The following FAM120A variants were observed in gnomAD, a reference collection of about 807,000 sequenced individuals.
The protein encoded by FAM120A is constitutive coactivator of PPAR-gamma-like protein 1.
Under a neutral mutation model 109.7 loss-of-function variants are expected in FAM120A, and 15 were observed. The ratio of observed to expected loss-of-function variants is 0.14; its 90% CI spans 0.09 to 0.21. The LOEUF (loss-of-function observed/expected upper bound fraction) is 0.21. Ranked by LOEUF, FAM120A falls within the 10% of genes least tolerant of loss-of-function variation. The probability of loss-of-function intolerance (pLI) is 1.00; values close to 1 mark genes in which losing one functional copy is unlikely to be tolerated. For synonymous variants in FAM120A, 493 were observed against 572.8 expected, an observed-to-expected ratio of 0.86 and a Z score of 1.99; for missense variants, 899 against 1,439.3, an observed-to-expected ratio of 0.62 and a Z score of 6.07.
chr9:93,528,811 TTTTG>T (rs2131464356), intron 8 of FAM120A, among the ~76,000 whole-genome samples: 1 of 150,758 alleles, frequency 6.6e-6, no homozygotes, highest in East Asian at 2.0e-4. Flanking sequence ...GAGTTTGGGT[TTTTG>T]TTTGTTCTTT....
At chr9:93,480,243 A>C (rs899046957) in intron 3 of FAM120A, among the ~76,000 whole-genome samples, 1 of 152,230 alleles carries the variant, frequency 6.6e-6, no homozygotes, top group African/African-American at 2.4e-5. Context: ...TTCATGTAAC[A>C]TGTAAAATTG....
At position 93,550,662 on chromosome 9, in the gene FAM120A, T is replaced by A. The variant is rs747504770; in HGVS notation, c.2245T>A (p.Tyr749Asn). 6.2e-7 allele frequency: 1 copy of A among 1,613,920 alleles called. No homozygotes were observed. The highest frequency in any genetic ancestry group is 8.5e-7 in the Non-Finnish European group (1 of 1,179,992). Reference protein sequence around the residue: ...FLAQALSPKLYEPDQLQELKI... With the variant: ...FLAQALSPKLNEPDQLQELKI... Reference sequence around the variant, plus strand: ...GGCTCAGGCGCTGTCCCCCAAACTCTACGAGCCTGATCAGCTCCAGGAGCT... The same window carrying A: ...GGCTCAGGCGCTGTCCCCCAAACTCAACGAGCCTGATCAGCTCCAGGAGCT... Residue 749 changes from tyrosine to asparagine, a missense_variant, in exon 12 of 18, where the codon TAC becomes AAC. Coordinates refer to ENST00000277165, the MANE Select transcript of FAM120A (RefSeq NM_014612.5).
At chr9:93,510,622 TTTTG>T (rs765797140) in intron 5 of FAM120A, among the ~76,000 whole-genome samples, 10 of 152,272 alleles carry the variant, frequency 6.6e-5, no homozygotes, top group Admixed American at 2.6e-4. Context: ...GATTTGGGAT[TTTTG>T]TTTGTTTGTT....
chr9:93,543,299 G>A lies in FAM120A; in HGVS notation c.1987G>A (p.Ala663Thr), dbSNP rs1488885081. 6.2e-7 allele frequency: 1 copy of A among 1,614,214 alleles called. No individual in the cohort carries two copies. The highest frequency in any genetic ancestry group is 8.5e-7 in the Non-Finnish European group (1 of 1,180,046). ...AACCCCGGAACTGGTTGAAGCTCTT[G>A]CCTTCAGGGAGTGGACCTGCCCCAA... ...PQTPELVEALAFREWTCPNLK... is the reference protein window; with the variant it reads ...PQTPELVEALTFREWTCPNLK... The change falls in exon 11 of 18, where the codon GCC becomes ACC. Residue 663 changes from alanine (A) to threonine (T), a missense_variant. Physicochemically the swap from Ala to Thr is moderately conservative, Grantham distance 58. Around this residue, in one of 11 missense-constraint regions of FAM120A, gnomAD observed 133 missense variants for 276.6 expected, o/e 0.48. Coordinates refer to ENST00000277165, the MANE Select transcript of FAM120A (RefSeq NM_014612.5).
chr9:93,534,568 A>G (rs909215121), intron 10 of FAM120A, among the ~76,000 whole-genome samples: 1 of 152,164 alleles, frequency 6.6e-6, no homozygotes, highest in African/African-American at 2.4e-5. Flanking sequence ...TGAGATGGAC[A>G]AGGGAACGCC....
At chr9:93,523,363 G>T in intron 7 of FAM120A, 1 of 1,282,118 alleles carries the variant, frequency 7.8e-7, no homozygotes, top group Non-Finnish European at 1.0e-6. Flanking sequence ...CTGAGGCATG[G>T]GTAGGTAGGC....
At chr9:93,518,583 A>T (rs1860707971) in intron 7 of FAM120A, among the ~76,000 whole-genome samples, 1 of 152,240 alleles carries the variant, frequency 6.6e-6, no homozygotes, top group Non-Finnish European at 1.5e-5. Flanking sequence ...GACAGGAGTG[A>T]TGAGGTCTGT....
intron 11 of FAM120A, among the ~76,000 whole-genome samples, chr9:93,545,548 C>T (rs983396385): frequency 6.6e-6 from 1 of 152,170 alleles, no homozygotes; most frequent in African/African-American, 2.4e-5. Context: ...GGGCTGGCAC[C>T]GCTTTTGCAG....
chr9:93,452,446 C>T lies in FAM120A; in HGVS notation c.474+57C>T, dbSNP rs1857288543. On this transcript the variant is annotated intron_variant, in intron 1 of 17. Coordinates refer to ENST00000277165, the MANE Select transcript of FAM120A (RefSeq NM_014612.5). This position sits in a 1 kb window ranked among gnomAD's most constrained non-coding sequence, Gnocchi z 7.0. ...CGGGGCCGCGCCGCACCCCTATCCC[C>T]CTTCCCAGGGCGCAGAATGTCGCCC... The T allele has an allele frequency of 6.4e-7, 1 of 1,558,060 alleles. No individual in the cohort carries two copies. The highest frequency in any genetic ancestry group is 8.7e-7 in the Non-Finnish European group (1 of 1,154,226).
At position 93,543,276 on chromosome 9, in the gene FAM120A, C is replaced by T. The variant is rs752991758; in HGVS notation, c.1964C>T (p.Thr655Ile). 6.2e-7 allele frequency: 1 copy of T among 1,614,174 alleles called. No individual in the cohort carries two copies. Among genetic ancestry groups the T allele is most frequent in the Non-Finnish European group, 8.5e-7 (1 of 1,180,036 alleles). Residue 655 changes from threonine to isoleucine, a missense_variant, in exon 11 of 18, where the codon ACC becomes ATC. By Grantham distance (89) the Thr-to-Ile change is moderately conservative. Coordinates refer to ENST00000277165, the MANE Select transcript of FAM120A (RefSeq NM_014612.5). ...WAAYKGKSPQTPELVEALAFR... is the reference protein window; with the variant it reads ...WAAYKGKSPQIPELVEALAFR... Reference sequence around the variant, plus strand: ...GCTTACAAAGGAAAGTCTCCTCAAACCCCGGAACTGGTTGAAGCTCTTGCC... The same window carrying T: ...GCTTACAAAGGAAAGTCTCCTCAAATCCCGGAACTGGTTGAAGCTCTTGCC...
chr9:93,456,057 G>T (rs1196355664), intron 1 of FAM120A, among the ~76,000 whole-genome samples: 1 of 152,144 alleles, frequency 6.6e-6, no homozygotes. Flanking sequence ...TTAACCATTA[G>T]AAGTTGGTCT....
intron 3 of FAM120A, among the ~76,000 whole-genome samples, chr9:93,476,913 T>C (rs932781240): frequency 3.9e-5 from 6 of 152,194 alleles, no homozygotes; most frequent in Non-Finnish European, 7.3e-5. Flanking sequence ...TTTTCTGCAG[T>C]GGAAGTGTCT....
chr9:93,534,827 C>T (rs953505073), intron 10 of FAM120A, among the ~76,000 whole-genome samples: 1 of 151,526 alleles, frequency 6.6e-6, no homozygotes, highest in African/African-American at 2.4e-5. Flanking sequence ...ACTTTGGGGC[C>T]ATCTTTGTTG....
intron 5 of FAM120A, among the ~76,000 whole-genome samples, chr9:93,507,629 G>A (rs557189618): frequency 6.6e-6 from 1 of 152,294 alleles, no homozygotes; most frequent in East Asian, 1.9e-4. Context: ...CACAGAAAGA[G>A]TGGCTCAGCG....
At chr9:93,479,527 G>A (rs951162145) in intron 3 of FAM120A, among the ~76,000 whole-genome samples, 2 of 152,144 alleles carry the variant, frequency 1.3e-5, no homozygotes, top group Admixed American at 6.5e-5. Flanking sequence ...GCAAAGTCAC[G>A]TGTCCTTAAC....
At chr9:93,508,467 C>T (rs972949597) in intron 5 of FAM120A, among the ~76,000 whole-genome samples, 1 of 152,204 alleles carries the variant, frequency 6.6e-6, no homozygotes, top group Admixed American at 6.5e-5. Context: ...GGATCACCTT[C>T]CTGCAACGCC....
chr9:93,456,532 A>G (rs1857555496), intron 1 of FAM120A, among the ~76,000 whole-genome samples: 1 of 152,160 alleles, frequency 6.6e-6, no homozygotes, highest in African/African-American at 2.4e-5. Flanking sequence ...TTGATGGGGG[A>G]AGAGAATGAA....
intron 3 of FAM120A, among the ~76,000 whole-genome samples, chr9:93,489,036 A>C (rs7864396): frequency 0.28 from 42,491 of 151,550 alleles, 7,326 homozygotes; most frequent in East Asian, 0.4. Context: ...TTGGAAGACT[A>C]CTGTTGTGTT....
At chr9:93,495,519 A>T (rs1859536296) in intron 3 of FAM120A, among the ~76,000 whole-genome samples, 1 of 152,200 alleles carries the variant, frequency 6.6e-6, no homozygotes. Context: ...AATGATAGAG[A>T]AGTCATGTCA....
Sources: allele counts gnomAD v4.1 joint callset (sites outside exome capture counted in the v4.1 genomes callset), GRCh38; gene constraint gnomAD v4.1.1; regional missense constraint gnomAD v4.1.1; non-coding constraint Gnocchi (gnomAD v3.1); transcripts MANE v1.5; gene names NCBI Gene and HGNC (gene_info 2026-07-23, HGNC 2026-07-21).